Variants in DLGAP2 observed in about 807,000 individuals in gnomAD.
DLGAP2 encodes the protein DLG associated protein 2, also known as disks large-associated protein 2.
In DLGAP2, 26 loss-of-function variants were observed where a neutral mutation model predicts 100.3. That is an observed-to-expected ratio of 0.26 (90% CI 0.19 to 0.36). DLGAP2 has a LOEUF of 0.36. DLGAP2 is among the 10% of genes least tolerant of loss of function. The probability of loss-of-function intolerance (pLI) is 1.00; values close to 1 mark genes in which losing one functional copy is unlikely to be tolerated. For missense variants in DLGAP2, 1,858 were observed against 1,453.2 expected (o/e 1.28, Z -4.53); for synonymous variants, 886 against 630.1 (o/e 1.41, Z -6.08).
intron 6 of DLGAP2, among the ~76,000 whole-genome samples, chr8:1,581,835 G>A (rs1239348508): frequency 6.7e-6 from 1 of 150,010 alleles, no homozygotes; most frequent in Non-Finnish European, 1.5e-5. Context: ...ACTACCAGAA[G>A]TGAAGGATAC....
At chr8:1,146,073 G>A (rs936419699) in intron 2 of DLGAP2, among the ~76,000 whole-genome samples, 11 of 152,058 alleles carry the variant, frequency 7.2e-5, no homozygotes, top group African/African-American at 2.4e-4. Flanking sequence ...ACACATCCCA[G>A]CAGACACTTC....
At chr8:1,266,447 C>G (rs1052136283) in intron 3 of DLGAP2, among the ~76,000 whole-genome samples, 4 of 152,212 alleles carry the variant, frequency 2.6e-5, no homozygotes, top group Admixed American at 2.6e-4. Flanking sequence ...AAGAATCCCT[C>G]TCCCCATCAA....
At chr8:1,551,335 T>C (rs966002938) in intron 5 of DLGAP2, among the ~76,000 whole-genome samples, 2 of 152,172 alleles carry the variant, frequency 1.3e-5, no homozygotes, top group African/African-American at 2.4e-5. Context: ...AGCTCTCTTG[T>C]TTTTGTCTGT....
intron 3 of DLGAP2, among the ~76,000 whole-genome samples, chr8:1,330,113 C>T (rs1200521612): frequency 1.3e-5 from 2 of 152,198 alleles, no homozygotes; most frequent in East Asian, 3.9e-4. Context: ...GTATCTTGCC[C>T]CTGCGAGAGG....
At chr8:1,343,738 C>T (rs989630685) in intron 3 of DLGAP2, among the ~76,000 whole-genome samples, 4 of 151,810 alleles carry the variant, frequency 2.6e-5, no homozygotes, top group African/African-American at 7.2e-5. Context: ...CCGATGTGCA[C>T]GACAGTGGAA....
intron 2 of DLGAP2, among the ~76,000 whole-genome samples, chr8:1,231,323 A>G (rs1798531336): frequency 6.6e-6 from 1 of 152,240 alleles, no homozygotes; most frequent in South Asian, 2.1e-4. Flanking sequence ...CTATTATTAA[A>G]AAGTCGAAAA....
chr8:1,182,753 T>C (rs190663914), intron 2 of DLGAP2, among the ~76,000 whole-genome samples: 110 of 152,212 alleles, frequency 7.2e-4, no homozygotes, highest in Middle Eastern at 6.8e-3. Flanking sequence ...TCTGCAGAGC[T>C]CACACTATCG....
intron 2 of DLGAP2, among the ~76,000 whole-genome samples, chr8:1,086,877 A>T (rs1803989917): frequency 6.6e-6 from 1 of 152,204 alleles, no homozygotes. Context: ...ATAAGAAAAC[A>T]TTGGACTTGA....
chr8:1,005,686 C>T (rs964145242), intron 2 of DLGAP2, among the ~76,000 whole-genome samples: 2 of 151,810 alleles, frequency 1.3e-5, no homozygotes, highest in African/African-American at 4.8e-5. Flanking sequence ...TCCCAAAGTG[C>T]TGGTATTACA....
At chr8:1,140,481 G>A (rs1459102993) in intron 2 of DLGAP2, among the ~76,000 whole-genome samples, 1 of 152,114 alleles carries the variant, frequency 6.6e-6, no homozygotes, top group African/African-American at 2.4e-5. Flanking sequence ...GAGGCCCCTG[G>A]GTCCCATGCA....
At chr8:1,530,888 A>G (rs927741998) in intron 4 of DLGAP2, among the ~76,000 whole-genome samples, 6 of 152,192 alleles carry the variant, frequency 3.9e-5, no homozygotes, top group South Asian at 2.1e-4. Flanking sequence ...ACTGTTTCCT[A>G]TGTGTGAATA....
intron 4 of DLGAP2, among the ~76,000 whole-genome samples, chr8:1,526,790 C>T (rs151166925): frequency 6.6e-6 from 1 of 152,178 alleles, no homozygotes; most frequent in African/African-American, 2.4e-5. Context: ...TATTGGAAAC[C>T]CAGAGCTTCC....
chr8:1,409,017 C>T (rs1009162992), intron 3 of DLGAP2, among the ~76,000 whole-genome samples: 1 of 152,238 alleles, frequency 6.6e-6, no homozygotes, highest in African/African-American at 2.4e-5. Context: ...ATGAAAAAGA[C>T]AGCAGCATTG....
At chr8:1,678,052 C>CATAG (rs1437815324) in intron 11 of DLGAP2, among the ~76,000 whole-genome samples, 162 bp from the exon 12 acceptor site, 7 of 152,306 alleles carry the variant, frequency 4.6e-5, no homozygotes, top group Non-Finnish European at 1.0e-4. Flanking sequence ...AATGTTCTTC[C>CATAG]ACAGACAAAA....
At chr8:1,474,130 A>C (rs562445842) in intron 3 of DLGAP2, among the ~76,000 whole-genome samples, 1 of 152,090 alleles carries the variant, frequency 6.6e-6, no homozygotes, top group Non-Finnish European at 1.5e-5. Context: ...AGAACATTCA[A>C]TATTTGGCTT....
intron 1 of DLGAP2, among the ~76,000 whole-genome samples, chr8:808,254 T>C (rs992675114): frequency 2.6e-5 from 4 of 152,202 alleles, no homozygotes; most frequent in Non-Finnish European, 5.9e-5. Context: ...ATGACTTACA[T>C]GTGCATGTAG....
intron 1 of DLGAP2, among the ~76,000 whole-genome samples, chr8:860,315 T>A (rs1417578131): frequency 6.6e-6 from 1 of 152,232 alleles, no homozygotes; most frequent in Admixed American, 6.5e-5. Context: ...AACCACTGGC[T>A]GCCGCTGCCA....
chr8:1,606,551 A>G (rs1796806581), intron 6 of DLGAP2, among the ~76,000 whole-genome samples: 1 of 152,184 alleles, frequency 6.6e-6, no homozygotes, highest in African/African-American at 2.4e-5. Flanking sequence ...ATGTGTCAGA[A>G]CTGCAATTCT....
At position 1,038,862 on chromosome 8, in the gene DLGAP2, C is replaced by G. The variant is rs532424809; in HGVS notation, c.73+130896C>G. Among the ~76,000 whole-genome samples the G allele has an allele frequency of 1.4e-3, 214 of 152,202 alleles. 2 individuals are homozygous for G. Among genetic ancestry groups the G allele is most frequent in the African/African-American group, 4.3e-3 (178 of 41,522 alleles). On this transcript the variant is annotated intron_variant, in intron 2 of 14. Coordinates refer to ENST00000637795, the MANE Select transcript of DLGAP2 (RefSeq NM_001346810.2). ...CGGAAAATCAAGTTGTGTGAGGAACCTCATTGAGACTCAGTGTCATATTAC... is the reference window on the plus strand; with the variant it reads ...CGGAAAATCAAGTTGTGTGAGGAACGTCATTGAGACTCAGTGTCATATTAC...
Sources: gnomAD v4.1 joint callset for allele counts (sites outside exome capture counted in the v4.1 genomes callset) on GRCh38, gnomAD v4.1.1 for gene constraint, MANE v1.5 for transcripts, NCBI Gene and HGNC (gene_info 2026-07-23, HGNC 2026-07-21) for gene names.